The following ITFG1 variants were observed in gnomAD, a reference collection of about 807,000 sequenced individuals.
The protein encoded by ITFG1 is T-cell immunomodulatory protein.
ITFG1 carries 34 observed loss-of-function variants against 81.8 expected under a neutral mutation model. That is an observed-to-expected ratio of 0.42 (90% CI 0.32 to 0.55). The LOEUF (loss-of-function observed/expected upper bound fraction) is 0.55, where lower values mean the gene tolerates loss of function less well. Among genes scored for constraint, ITFG1 ranks in the 20% least tolerant of loss-of-function variants. The probability of loss-of-function intolerance (pLI) is 0.17; values close to 1 mark genes in which losing one functional copy is unlikely to be tolerated. For synonymous variants in ITFG1, 285 were observed against 270.6 expected (o/e 1.05, Z -0.52); for missense variants, 672 against 755.4 (o/e 0.89, Z 1.29).
chr16:47,350,541 A>G (rs1967936133), intron 8 of ITFG1, among the ~76,000 whole-genome samples: 1 of 152,204 alleles, frequency 6.6e-6, no homozygotes, highest in African/African-American at 2.4e-5. Flanking sequence ...GAATAGACCA[A>G]TAACAGGCTC....
intron 13 of ITFG1, among the ~76,000 whole-genome samples, chr16:47,227,526 A>C (rs1965770660): frequency 6.6e-6 from 1 of 152,202 alleles, no homozygotes; most frequent in Non-Finnish European, 1.5e-5. Flanking sequence ...GTTGTATCAT[A>C]TAGATTCTTT....
chr16:47,350,453 A>G (rs1383304039), intron 8 of ITFG1, among the ~76,000 whole-genome samples: 1 of 152,258 alleles, frequency 6.6e-6, no homozygotes, highest in Non-Finnish European at 1.5e-5. Flanking sequence ...CAAATAAACT[A>G]GAAACTCTAG....
intron 6 of ITFG1, among the ~76,000 whole-genome samples, chr16:47,389,723 A>G (rs555635210): frequency 6.6e-6 from 1 of 152,352 alleles, no homozygotes; most frequent in South Asian, 2.1e-4. Flanking sequence ...AAGTTAGTAC[A>G]TATCTGAAGT....
At chr16:47,309,441 T>C (rs914206023) in intron 10 of ITFG1, among the ~76,000 whole-genome samples, 2 of 152,190 alleles carry the variant, frequency 1.3e-5, no homozygotes, top group Non-Finnish European at 1.5e-5. Flanking sequence ...CAATCTGTCT[T>C]TGAATTTTAG....
intron 14 of ITFG1, among the ~76,000 whole-genome samples, chr16:47,173,908 C>T (rs1305529971): frequency 6.6e-6 from 1 of 152,092 alleles, no homozygotes; most frequent in Non-Finnish European, 1.5e-5. Context: ...GGCATGGTGG[C>T]ACGTGCCTGT....
intron 8 of ITFG1, among the ~76,000 whole-genome samples, chr16:47,314,262 T>A (rs1283593935): frequency 2.6e-5 from 4 of 152,162 alleles, no homozygotes; most frequent in Non-Finnish European, 4.4e-5. Context: ...CATCAATTTT[T>A]AAAAATGTAG....
intron 5 of ITFG1, among the ~76,000 whole-genome samples, chr16:47,429,602 T>C (rs2151609861): frequency 6.6e-6 from 1 of 152,326 alleles, no homozygotes; most frequent in Non-Finnish European, 1.5e-5. Context: ...TGTCCATTTA[T>C]TTTATTACAG....
rs550302662 is a variant in ITFG1, at chr16:47,253,112, A to C, written c.1330+5520T>G. On this transcript the variant is annotated intron_variant, in intron 12 of 17. Transcript: ENST00000320640. ...ATGTGTGGAGAATCCTCTCCTCAGG[A>C]TAATGTTACTGAGACTGCAGGGTGA... Among the ~76,000 whole-genome samples, 103 of 152,238 alleles carry C rather than the reference A, an allele frequency of 6.8e-4. 1 individual carries two copies. Among genetic ancestry groups the C allele is most frequent in the African/African-American group, 2.4e-3 (98 of 41,544 alleles).
chr16:47,205,503 C>G (rs879268249), intron 14 of ITFG1, among the ~76,000 whole-genome samples: 3 of 152,196 alleles, frequency 2.0e-5, no homozygotes, highest in Admixed American at 6.5e-5. Context: ...AAAAACTCCT[C>G]ATTTCCTGCA....
intron 8 of ITFG1, among the ~76,000 whole-genome samples, chr16:47,329,314 A>C (rs1377027128): frequency 1.2e-4 from 18 of 152,158 alleles, no homozygotes; most frequent in Admixed American, 1.2e-3. Context: ...GTCTGTTACT[A>C]GGGTGCTTAG....
At chr16:47,205,850 ATC>A in intron 14 of ITFG1, among the ~76,000 whole-genome samples, 1 of 128,228 alleles carries the variant, frequency 7.8e-6, no homozygotes, top group South Asian at 2.3e-4. Flanking sequence ...CTATCTATCT[ATC>A]TATCTATCTA....
intron 10 of ITFG1, among the ~76,000 whole-genome samples, chr16:47,279,621 C>T (rs1340127654): frequency 6.6e-6 from 1 of 152,042 alleles, no homozygotes; most frequent in Non-Finnish European, 1.5e-5. Flanking sequence ...ATTTTGGTTC[C>T]TTTGTCTTTT....
At chr16:47,304,521 G>A (rs1344395270) in intron 10 of ITFG1, among the ~76,000 whole-genome samples, 1 of 152,304 alleles carries the variant, frequency 6.6e-6, no homozygotes, top group East Asian at 1.9e-4. Flanking sequence ...ATGACGTAGT[G>A]CATGTGTTTC....
chr16:47,392,689 C>T (rs116591403), intron 6 of ITFG1, among the ~76,000 whole-genome samples: 3,327 of 152,168 alleles, frequency 0.022, 120 homozygotes, highest in African/African-American at 0.074. Flanking sequence ...GTTGATTTCA[C>T]GCATGAATCG....
intron 5 of ITFG1, chr16:47,449,064 A>G (rs1014577635): frequency 6.6e-6 from 1 of 152,212 alleles, no homozygotes; most frequent in Admixed American, 6.5e-5. Flanking sequence ...CCTTTAGTCC[A>G]GCCAAACTGG....
At chr16:47,270,633 C>A (rs2151545829) in intron 10 of ITFG1, among the ~76,000 whole-genome samples, 1 of 152,314 alleles carries the variant, frequency 6.6e-6, no homozygotes, top group South Asian at 2.1e-4. Flanking sequence ...TTGTAGCAGT[C>A]AGACCTGATA....
chr16:47,455,384 G>A (rs1453187096), intron 2 of ITFG1, among the ~76,000 whole-genome samples: 1 of 151,004 alleles, frequency 6.6e-6, no homozygotes, highest in Non-Finnish European at 1.5e-5. Flanking sequence ...AAAAAAGTCT[G>A]TCTATAAAAA....
intron 13 of ITFG1, among the ~76,000 whole-genome samples, chr16:47,221,767 T>C (rs1965694798): frequency 6.6e-6 from 1 of 152,144 alleles, no homozygotes; most frequent in Non-Finnish European, 1.5e-5. Context: ...TCAGCTCCTG[T>C]TATTGGTCTA....
intron 5 of ITFG1, chr16:47,450,330 C>A: frequency 4.8e-6 from 1 of 209,096 alleles, no homozygotes; most frequent in Non-Finnish European, 1.0e-5. Context: ...ATCAAAGCAC[C>A]CATATTCTTT....
Sources: allele counts gnomAD v4.1 joint callset (sites outside exome capture counted in the v4.1 genomes callset), GRCh38; gene constraint gnomAD v4.1.1; transcripts MANE v1.5; gene names NCBI Gene and HGNC (gene_info 2026-07-23, HGNC 2026-07-21).